CAPN8: variants seen among roughly 807,000 people sequenced by gnomAD.
CAPN8 encodes calpain 8, also known as calpain-8.
Under a neutral mutation model 80.9 loss-of-function variants are expected in CAPN8, and 87 were observed. The ratio of observed to expected loss-of-function variants is 1.07; its 90% CI spans 0.90 to 1.28. The LOEUF is 1.28. Among genes scored for constraint, CAPN8 ranks in the 50% most tolerant of loss-of-function variants. The probability of loss-of-function intolerance (pLI) is 0.00; values close to 1 mark genes in which losing one functional copy is unlikely to be tolerated. For missense variants in CAPN8, 757 were observed against 702.0 expected (o/e 1.08, Z -0.89); for synonymous variants, 299 against 273.8 (o/e 1.09, Z -0.91).
chr1:223,643,234 T>A (rs1436267116), intron 2 of CAPN8, among the ~76,000 whole-genome samples: 1 of 152,230 alleles, frequency 6.6e-6, no homozygotes, highest in East Asian at 1.9e-4. Context: ...CCGTTATTGC[T>A]AGGGACAGCC....
intron 16 of CAPN8, among the ~76,000 whole-genome samples, chr1:223,546,080 C>T (rs1017289552): frequency 6.6e-6 from 1 of 150,810 alleles, no homozygotes; most frequent in African/African-American, 2.4e-5. Flanking sequence ...GATCTGCCTG[C>T]CTCAGCCTCC....
chr1:223,611,573 T>C (rs1657031569), intron 11 of CAPN8, among the ~76,000 whole-genome samples: 1 of 152,204 alleles, frequency 6.6e-6, no homozygotes, highest in African/African-American at 2.4e-5. Flanking sequence ...GCCACTTCAA[T>C]AAAAGTTGCT....
chr1:223,655,892 G>A (rs1658472287), intron 1 of CAPN8, among the ~76,000 whole-genome samples: 1 of 152,170 alleles, frequency 6.6e-6, no homozygotes, highest in African/African-American at 2.4e-5. Context: ...GGCATCCTGG[G>A]CTGCACTACA....
chr1:223,547,862 A>G (rs1656666265), intron 16 of CAPN8, among the ~76,000 whole-genome samples: 1 of 152,240 alleles, frequency 6.6e-6, no homozygotes, highest in Non-Finnish European at 1.5e-5. Context: ...TGATTCAGAA[A>G]CCAGGGAACT....
chr1:223,646,005 C>T (rs79835887), intron 2 of CAPN8, among the ~76,000 whole-genome samples: 24 of 152,244 alleles, frequency 1.6e-4, no homozygotes, highest in Non-Finnish European at 3.4e-4. Flanking sequence ...TACGAGGTGA[C>T]TATGGGGGAG....
intron 2 of CAPN8, among the ~76,000 whole-genome samples, chr1:223,644,545 A>T (rs907092172): frequency 6.6e-6 from 1 of 152,230 alleles, no homozygotes; most frequent in Non-Finnish European, 1.5e-5. Flanking sequence ...CCTCGATGTT[A>T]TGGAGTATAC....
In CAPN8 at chr1:223,557,807, G is replaced by T. The variant is rs1032178857; in HGVS notation, c.1572+324C>A. ...GAGGTCAATCCAAGAGCAGGACACT[G>T]GATCTATTCTCTCAAGGACTTCTCT... On this transcript the variant is annotated intron_variant, in intron 13 of 20. Coordinates refer to ENST00000366872, the MANE Select transcript of CAPN8 (RefSeq NM_001143962.2). Among the ~76,000 whole-genome samples the T allele has an allele frequency of 4.4e-3, 666 of 152,322 alleles. 5 individuals are homozygous for T. Among genetic ancestry groups the T allele is most frequent in the African/African-American group, 0.016 (645 of 41,568 alleles).
intron 2 of CAPN8, among the ~76,000 whole-genome samples, chr1:223,646,677 A>G (rs1571733266): frequency 6.6e-6 from 1 of 152,292 alleles, no homozygotes; most frequent in East Asian, 1.9e-4. Context: ...CTGAGGCGGG[A>G]CAGCAGGGTA....
Position 223,656,668 on chromosome 1 carries a change from G to GTTTTTTTTTTT in CAPN8, c.238-2270_238-2269insAAAAAAAAAAA, listed in dbSNP as rs1331913444. On this transcript the variant is annotated intron_variant, in intron 1 of 20. Coordinates refer to ENST00000366872, the MANE Select transcript of CAPN8 (RefSeq NM_001143962.2). ...ATTTATGTACATACACACGTTTTGG[G>GTTTTTTTTTTT]TTTTTTTGTTTTGTTTTTTTTTTTT... 6.3e-5 allele frequency among the ~76,000 whole-genome samples: 6 copies of GTTTTTTTTTTT among 94,794 alleles called. 2 individuals carry two copies. The highest frequency in any genetic ancestry group is 1.0e-4 in the Non-Finnish European group (5 of 48,118). The allele number at this position is 94,794 out of a possible 152,430, so 62.2% of individuals were successfully genotyped here. A position where few individuals can be genotyped will look rare whatever the true frequency, so the allele number is the denominator to read the frequency against.
intron 9 of CAPN8, chr1:223,618,399 G>A: frequency 7.3e-7 from 1 of 1,377,518 alleles, no homozygotes. Context: ...CTCCACCAGG[G>A]TCTGAGTCCC....
chr1:223,557,437 C>G (rs933722439), intron 13 of CAPN8, among the ~76,000 whole-genome samples: 1 of 152,148 alleles, frequency 6.6e-6, no homozygotes, highest in Non-Finnish European at 1.5e-5. Flanking sequence ...TGGTCCTGCC[C>G]CACCCAGGCC....
At chr1:223,637,708 G>A (rs924629890) in intron 2 of CAPN8, among the ~76,000 whole-genome samples, 4 of 152,094 alleles carry the variant, frequency 2.6e-5, no homozygotes, top group African/African-American at 7.2e-5. Flanking sequence ...CACCATGTGC[G>A]GGGCCATCTG....
At position 223,640,139 on chromosome 1, in the gene CAPN8, T is replaced by A. The variant is rs150379461; in HGVS notation, c.308-11359A>T. On this transcript the variant is annotated intron_variant, in intron 2 of 20. Coordinates refer to ENST00000366872, the MANE Select transcript of CAPN8 (RefSeq NM_001143962.2). Reference sequence around the variant, plus strand: ...ACCCCTTGCTAGCATTTTTTCACCCTCTGACCTACCTCATAAGATAGCATC... The same window carrying A: ...ACCCCTTGCTAGCATTTTTTCACCCACTGACCTACCTCATAAGATAGCATC... Among the ~76,000 whole-genome samples, 315 of 152,166 alleles carry A rather than the reference T, an allele frequency of 2.1e-3. 3 individuals are homozygous for A. The South Asian group carries it at 0.044, about 21-fold the overall frequency.
intron 2 of CAPN8, among the ~76,000 whole-genome samples, chr1:223,648,790 A>G (rs772953888): frequency 1.3e-5 from 2 of 152,254 alleles, no homozygotes; most frequent in South Asian, 2.1e-4. Context: ...AGAGGTGAAG[A>G]GAAAAATCAG....
chr1:223,659,776 ATTG>A (rs1658596620), intron 1 of CAPN8, among the ~76,000 whole-genome samples: 1 of 152,188 alleles, frequency 6.6e-6, no homozygotes, highest in African/African-American at 2.4e-5. Flanking sequence ...AGTGGGTAAT[ATTG>A]TTATCTCCAT....
rs560953919 is a variant in CAPN8 at position 223,618,791 on chromosome 1, C to T, written c.1135+502G>A. ...AGGCTGCAGCTGAGCGGCTGCAGAG[C>T]CACTGCCCACCCTCACAACCCTGGC... On this transcript the variant is annotated intron_variant, in intron 9 of 20. Transcript: ENST00000366872. Among the ~76,000 whole-genome samples the T allele has an allele frequency of 3.3e-5, 5 of 152,348 alleles. No individual in the cohort carries two copies. The South Asian group carries it at 1.0e-3, about 32-fold the overall frequency.
rs749074493 is a variant in CAPN8 at position 223,628,143 on chromosome 1, C to A, written c.427-1G>T. On this transcript the variant is annotated splice_acceptor_variant, in intron 3 of 20. Coordinates refer to ENST00000366872, the MANE Select transcript of CAPN8 (RefSeq NM_001143962.2). LOFTEE classifies it high-confidence loss of function. ...CCACCCACTCTCCGTACTGCCAGAACTGGGGAGGGGGGACACAGCGGCTGC... is the reference window on the plus strand; with the variant it reads ...CCACCCACTCTCCGTACTGCCAGAAATGGGGAGGGGGGACACAGCGGCTGC... 9.1e-5 allele frequency: 140 copies of A among 1,542,830 alleles called. No individual in the cohort carries two copies. The Middle Eastern group carries it at 2.0e-3, about 22-fold the overall frequency.
At chr1:223,620,089 A>G in intron 8 of CAPN8, 103 bp downstream of exon 8, 1 of 942,352 alleles carries the variant, frequency 1.1e-6, no homozygotes, top group Non-Finnish European at 1.7e-6. Context: ...ATGATCAGGA[A>G]CCATGTCGCC....
chr1:223,550,403 G>A (rs377074533), intron 15 of CAPN8, among the ~76,000 whole-genome samples: 8 of 152,106 alleles, frequency 5.3e-5, no homozygotes, highest in East Asian at 3.9e-4. Flanking sequence ...CCCTGGACCC[G>A]GAAAGAAACC....
Sources: gnomAD v4.1 joint callset for allele counts (sites outside exome capture counted in the v4.1 genomes callset) on GRCh38, gnomAD v4.1.1 for gene constraint, MANE v1.5 for transcripts, NCBI Gene and HGNC (gene_info 2026-07-23, HGNC 2026-07-21) for gene names.